The following SALL3 variants were observed in gnomAD, a reference collection of about 807,000 sequenced individuals.
The protein encoded by SALL3 is sal-like protein 3.
SALL3 carries 25 observed loss-of-function variants against 66.2 expected under a neutral mutation model. The observed-to-expected ratio is 0.38, with a 90% confidence interval of 0.28 to 0.53. The LOEUF (loss-of-function observed/expected upper bound fraction) is 0.53, where lower values mean the gene tolerates loss of function less well. Ranked by LOEUF, SALL3 falls within the 20% of genes least tolerant of loss-of-function variation. SALL3 has a pLI of 0.85. For synonymous variants in SALL3, 1,152 were observed against 899.1 expected, an observed-to-expected ratio of 1.28 and a Z score of -5.03; for missense variants, 2,194 against 1,916.5, an observed-to-expected ratio of 1.14 and a Z score of -2.70.
intron 1 of SALL3, among the ~76,000 whole-genome samples, chr18:78,990,481 TC>T (rs1460815976): frequency 6.6e-6 from 1 of 152,044 alleles, no homozygotes; most frequent in African/African-American, 2.4e-5. Flanking sequence ...AAAATATTTT[TC>T]TTTTCAAGTA....
In SALL3 at chr18:78,997,946, G is replaced by T. The variant is rs1914755980; in HGVS notation, c.*624G>T. ...AAATAAGTGGATTATTTCAATGCAG[G>T]CAAAATTGTGAAGTTCTGTTGGGAA... On this transcript the variant is annotated 3_prime_UTR_variant, in exon 3 of 3. Transcript: ENST00000537592. 1 of 151,978 alleles carries T rather than the reference G, an allele frequency of 6.6e-6. No individual in the cohort carries two copies. 9.4% of individuals were successfully genotyped at this position (151,978 alleles called of 1,614,324 possible).
Position 78,992,105 on chromosome 18 carries a change from C to G in SALL3, c.114C>G (p.Asp38Glu). 1 of 1,580,042 alleles carries G rather than the reference C, an allele frequency of 6.3e-7. No homozygotes were observed. ...CGGGGGAAGGTGCGGAGGACGCAGACAGCGGGCCCGAGAGCCGCAGCGGGG... is the reference window on the plus strand; with the variant it reads ...CGGGGGAAGGTGCGGAGGACGCAGAGAGCGGGCCCGAGAGCCGCAGCGGGG... The part of the protein sequence containing the change: ...AAPGEGAEDA[D>E]SGPESRSGGE... The change falls in exon 2 of 3, where the codon GAC becomes GAG. Residue 38 changes from aspartate to glutamate, a missense_variant. Transcript: ENST00000537592.
At chr18:78,987,614 T>C (rs2146210743) in intron 1 of SALL3, among the ~76,000 whole-genome samples, 1 of 152,298 alleles carries the variant, frequency 6.6e-6, no homozygotes, top group East Asian at 1.9e-4. Flanking sequence ...TCCTGTGTAG[T>C]GCAGATGGCC....
Position 78,998,959 on chromosome 18 carries a change from C to A in SALL3, c.*1637C>A, listed in dbSNP as rs1914790053. ...GGCGTCTGACACTATGAACTTCCAA[C>A]AACAAAATTGTTCAAGAGATGCTCT... On this transcript the variant is annotated 3_prime_UTR_variant, in exon 3 of 3. Coordinates refer to ENST00000537592, the MANE Select transcript of SALL3 (RefSeq NM_171999.4). 6.6e-6 allele frequency: 1 copy of A among 152,168 alleles called. No individual in the cohort carries two copies. The highest frequency in any genetic ancestry group is 1.5e-5 in the Non-Finnish European group (1 of 68,028). 9.4% of individuals were successfully genotyped at this position (152,168 alleles called of 1,614,324 possible). A position where few individuals can be genotyped will look rare whatever the true frequency, so the allele number is the denominator to read the frequency against.
rs769324404 is a variant in SALL3 at position 78,992,594 on chromosome 18, C to T, written c.603C>T (p.Ala201=). 21 of 1,525,998 alleles carry T rather than the reference C, an allele frequency of 1.4e-5. No individual in the cohort carries two copies. The highest frequency in any genetic ancestry group is 5.7e-5 in the Admixed American group (3 of 53,038). The allele number at this position is 1,525,998 out of a possible 1,614,324, so 94.5% of individuals were successfully genotyped here. A position where few individuals can be genotyped will look rare whatever the true frequency, so the allele number is the denominator to read the frequency against. Residue 201 remains alanine (A), a synonymous_variant, in exon 2 of 3, where the codon GCC becomes GCT. Coordinates refer to ENST00000537592, the MANE Select transcript of SALL3 (RefSeq NM_171999.4). ...SGAGGGVAAA[A]VPLILEQLMA... Reference sequence around the variant, plus strand: ...CAGGTGGAGGCGTGGCAGCTGCAGCCGTGCCCCTGATCCTGGAACAGCTCA... The same window carrying T: ...CAGGTGGAGGCGTGGCAGCTGCAGCTGTGCCCCTGATCCTGGAACAGCTCA...
In SALL3 at chr18:78,992,195, G is replaced by A. The variant is rs752183244; in HGVS notation, c.204G>A (p.Glu68=). 6 of 1,610,172 alleles carry A rather than the reference G, an allele frequency of 3.7e-6. No homozygotes were observed. The South Asian group carries it at 4.4e-5, about 12-fold the overall frequency. The part of the protein sequence containing the change: ...AEFFKWADFL[E]HQRSCTKLPP... ...TCTTCAAGTGGGCGGACTTCCTGGA[G>A]CACCAGCGGAGCTGCACCAAGCTCC... Residue 68 remains glutamate, a synonymous_variant, in exon 2 of 3, where the codon GAG becomes GAA. Transcript: ENST00000537592.
Position 78,996,802 on chromosome 18 carries a change from G to A in SALL3, c.3472-89G>A, listed in dbSNP as rs1914708209. 12 of 1,363,976 alleles carry A rather than the reference G, an allele frequency of 8.8e-6. No individual in the cohort carries two copies. In the South Asian group the frequency reaches 1.7e-4, roughly 20 times the overall value. The allele number at this position is 1,363,976 out of a possible 1,614,324, so 84.5% of individuals were successfully genotyped here. ...TCCGTAAGTCGCGCTTGGGAGCGGGGTGGACCTCTGTCTGCTGCGCTGGAA... is the reference window on the plus strand; with the variant it reads ...TCCGTAAGTCGCGCTTGGGAGCGGGATGGACCTCTGTCTGCTGCGCTGGAA... On this transcript the variant is annotated intron_variant, in intron 2 of 2. Coordinates refer to ENST00000537592, the MANE Select transcript of SALL3 (RefSeq NM_171999.4).
In SALL3 at chr18:78,993,061, G is replaced by T. The variant is rs866584148; in HGVS notation, c.1070G>T (p.Gly357Val). ...APGSLLGAAP[G>V]LPSPLLPQTS... ...GGGTCCCTGCTGGGTGCGGCGCCCGGCCTGCCAAGTCCGCTTCTACCTCAG... is the reference window on the plus strand; with the variant it reads ...GGGTCCCTGCTGGGTGCGGCGCCCGTCCTGCCAAGTCCGCTTCTACCTCAG... Residue 357 changes from glycine to valine, a missense_variant, in exon 2 of 3, where the codon GGC becomes GTC. Coordinates refer to ENST00000537592, the MANE Select transcript of SALL3 (RefSeq NM_171999.4). The T allele has an allele frequency of 6.3e-7, 1 of 1,590,640 alleles. No homozygotes were observed. The highest frequency in any genetic ancestry group is 8.5e-7 in the Non-Finnish European group (1 of 1,174,310).
intron 1 of SALL3, among the ~76,000 whole-genome samples, chr18:78,981,742 A>G (rs542461559): frequency 6.6e-6 from 1 of 152,326 alleles, no homozygotes; most frequent in Admixed American, 6.5e-5. Context: ...ATTAAGGACA[A>G]AGAATCTTTT....
At position 78,996,960 on chromosome 18, in the gene SALL3, C is replaced by T. The variant is rs952586199; in HGVS notation, c.3541C>T (p.Pro1181Ser). Residue 1181 changes from proline to serine, a missense_variant, in exon 3 of 3, where the codon CCC becomes TCC. Coordinates refer to ENST00000537592, the MANE Select transcript of SALL3 (RefSeq NM_171999.4). ...RRGRRLSVEN[P>S]MALLGGDALK... is the part of the protein sequence containing the mutation. Reference sequence around the variant, plus strand: ...CGGCCGCCGCCTGTCTGTGGAGAACCCCATGGCTCTCCTAGGGGGTGATGC... The same window carrying T: ...CGGCCGCCGCCTGTCTGTGGAGAACTCCATGGCTCTCCTAGGGGGTGATGC... 19 of 1,613,764 alleles carry T rather than the reference C, an allele frequency of 1.2e-5. No individual in the cohort carries two copies. The highest frequency in any genetic ancestry group is 1.5e-5 in the Non-Finnish European group (18 of 1,180,016).
intron 1 of SALL3, among the ~76,000 whole-genome samples, chr18:78,987,640 G>A (rs1305246135): frequency 6.6e-6 from 1 of 152,168 alleles, no homozygotes; most frequent in Admixed American, 6.5e-5. Flanking sequence ...GGCACCATGG[G>A]TGTGATACTT....
chr18:78,987,463 C>A (rs1284404034), intron 1 of SALL3, among the ~76,000 whole-genome samples: 1 of 152,126 alleles, frequency 6.6e-6, no homozygotes. Context: ...GCCTGTGGGA[C>A]CTTCCTCCCC....
At chr18:78,989,612 A>G (rs1914358593) in intron 1 of SALL3, among the ~76,000 whole-genome samples, 1 of 152,246 alleles carries the variant, frequency 6.6e-6, no homozygotes, top group Admixed American at 6.5e-5. Context: ...AATAAGATAC[A>G]CACTTTGTAA....
At chr18:78,983,375 T>C (rs1251400561) in intron 1 of SALL3, among the ~76,000 whole-genome samples, 3 of 152,260 alleles carry the variant, frequency 2.0e-5, no homozygotes, top group African/African-American at 7.2e-5. Flanking sequence ...TGCTATTCTT[T>C]ATTGTATAAA....
Position 78,997,181 on chromosome 18 carries a change from C to T in SALL3, c.3762C>T (p.Gly1254=), listed in dbSNP as rs762098415. The T allele has an allele frequency of 2.5e-6, 4 of 1,614,046 alleles. No individual in the cohort carries two copies. Among genetic ancestry groups the T allele is most frequent in the Non-Finnish European group, 3.4e-6 (4 of 1,180,044 alleles). Residue 1254 remains glycine, a synonymous_variant, in exon 3 of 3, where the codon GGC becomes GGT. Transcript: ENST00000537592. The stretch of plus-strand genomic sequence containing the variant: ...GGGGCAGCGCCCTCCCCCCTCTGGG[C>T]AGCATGGCCAGTGGGATGGACAAAG... ...SLGGSALPPL[G]SMASGMDKAR... is the part of the protein sequence containing the mutation.
intron 1 of SALL3, 38 bp downstream of exon 1, chr18:78,980,394 G>T (rs1913986580): frequency 7.8e-7 from 1 of 1,286,198 alleles, no homozygotes. Context: ...GGGGGTCTGG[G>T]GCTGCCCGTC....
At chr18:78,990,836 T>C (rs1914404986) in intron 1 of SALL3, among the ~76,000 whole-genome samples, 2 of 152,190 alleles carry the variant, frequency 1.3e-5, no homozygotes, top group Non-Finnish European at 2.9e-5. Flanking sequence ...CCTGAGTAAT[T>C]ATTGGGAATT....
intron 1 of SALL3, among the ~76,000 whole-genome samples, chr18:78,991,504 C>T (rs987830022): frequency 6.6e-6 from 1 of 152,148 alleles, no homozygotes; most frequent in African/African-American, 2.4e-5. Context: ...CCAAAATTGC[C>T]TACATAAAGT....
chr18:78,980,353 C>G lies in SALL3; in HGVS notation c.79C>G (p.His27Asp). ...GCTGCCGCCTGACGGGGCTCCCGAG[C>G]ACGGTGAGGGCCGGGGCTGCGGGGT... ...ELLPPDGAPE[H>D]AAPGEGAEDA... Residue 27 changes from histidine to aspartate, a missense_variant, in exon 1 of 3, where the codon CAC (histidine) becomes GAC (aspartate). Physicochemically the swap from His to Asp is moderately conservative, Grantham distance 81. Coordinates refer to ENST00000537592, the MANE Select transcript of SALL3 (RefSeq NM_171999.4). 1 of 1,437,422 alleles carries G rather than the reference C, an allele frequency of 7.0e-7. No homozygotes were observed. The highest frequency in any genetic ancestry group is 9.2e-7 in the Non-Finnish European group (1 of 1,089,604). The allele number at this position is 1,437,422 out of a possible 1,614,324, so 89.0% of individuals were successfully genotyped here. A position where few individuals can be genotyped will look rare whatever the true frequency, so the allele number is the denominator to read the frequency against.
Sources: gnomAD v4.1 joint callset for allele counts (sites outside exome capture counted in the v4.1 genomes callset) on GRCh38, gnomAD v4.1.1 for gene constraint, MANE v1.5 for transcripts, NCBI Gene and HGNC (gene_info 2026-07-23, HGNC 2026-07-21) for gene names.